The following CACNA2D2 variants were observed in gnomAD, a reference collection of about 807,000 sequenced individuals.
CACNA2D2 encodes the protein calcium voltage-gated channel auxiliary subunit alpha2delta 2.
Under a neutral mutation model 166.4 loss-of-function variants are expected in CACNA2D2, and 48 were observed. The ratio of observed to expected loss-of-function variants is 0.29; its 90% CI spans 0.23 to 0.37. CACNA2D2 has a LOEUF of 0.37. CACNA2D2 is among the 10% of genes least tolerant of loss of function. CACNA2D2 has a pLI of 1.00. For missense variants in CACNA2D2, 1,122 were observed against 1,433.0 expected (o/e 0.78, Z 3.50); for synonymous variants, 561 against 573.7 (o/e 0.98, Z 0.32).
At chr3:50,487,319 G>C (rs1005068620) in intron 1 of CACNA2D2, among the ~76,000 whole-genome samples, 8 of 152,228 alleles carry the variant, frequency 5.3e-5, no homozygotes, top group African/African-American at 1.9e-4. Flanking sequence ...AGCCAAAGCT[G>C]AGTGCAATGG....
intron 1 of CACNA2D2, among the ~76,000 whole-genome samples, chr3:50,502,293 G>A (rs1699004935): frequency 6.6e-6 from 1 of 152,224 alleles, no homozygotes; most frequent in Admixed American, 6.5e-5. Flanking sequence ...ACAGAAGCAA[G>A]GTGGTCACCG....
Position 50,380,641 on chromosome 3 carries a change from C to T in CACNA2D2, c.842+107G>A, listed in dbSNP as rs1705252146. The T allele has an allele frequency of 4.4e-6, 4 of 910,998 alleles. No homozygotes were observed. The highest frequency in any genetic ancestry group is 3.3e-5 in the Admixed American group (1 of 30,576). 56.4% of individuals were successfully genotyped at this position (910,998 alleles called of 1,614,324 possible). On this transcript the variant is annotated intron_variant, in intron 8 of 37. Transcript: ENST00000424201. This position sits in a 1 kb window ranked among gnomAD's most constrained non-coding sequence, Gnocchi z 4.9. ...TGTGTGAAATGAAAATTGGATACAG[C>T]TGGCTGCGCCCTGCTAGGAGGCTTG...
chr3:50,385,874 G>A (rs1705579022), intron 5 of CACNA2D2, among the ~76,000 whole-genome samples: 1 of 152,234 alleles, frequency 6.6e-6, no homozygotes, highest in Non-Finnish European at 1.5e-5. Context: ...AAGGGCACTA[G>A]AAAATTTAAT....
intron 2 of CACNA2D2, among the ~76,000 whole-genome samples, chr3:50,437,447 A>G (rs1190076586): frequency 6.6e-6 from 1 of 152,190 alleles, no homozygotes; most frequent in African/African-American, 2.4e-5. Flanking sequence ...GGGGCTGGTC[A>G]TGCTGCCAGC....
intron 1 of CACNA2D2, among the ~76,000 whole-genome samples, chr3:50,493,744 C>T (rs567861286): frequency 2.0e-5 from 3 of 152,342 alleles, no homozygotes; most frequent in Non-Finnish European, 2.9e-5. Context: ...CCTCAAGGGC[C>T]CCATGACCCG....
intron 3 of CACNA2D2, 96 bp from the exon 4 acceptor site, chr3:50,394,264 A>G: frequency 1.0e-6 from 1 of 979,624 alleles, no homozygotes; most frequent in East Asian, 2.4e-5. Flanking sequence ...CCCTGGGGCC[A>G]GGCTGGACTG....
At chr3:50,462,744 C>T (rs951649810) in intron 2 of CACNA2D2, among the ~76,000 whole-genome samples, 13 of 152,066 alleles carry the variant, frequency 8.5e-5, no homozygotes, top group Non-Finnish European at 1.6e-4. Context: ...AAGTGACAGC[C>T]TCTGGGGAGC....
intron 2 of CACNA2D2, among the ~76,000 whole-genome samples, chr3:50,469,750 C>T (rs2107056561): frequency 2.6e-5 from 4 of 152,356 alleles, no homozygotes; most frequent in Middle Eastern, 6.8e-3. Flanking sequence ...CCTTTCACCA[C>T]TTCCCACCAT....
Position 50,387,603 on chromosome 3 carries a change from T to C in CACNA2D2, c.475A>G (p.Ile159Val), listed in dbSNP as rs772444861. Residue 159 changes from isoleucine to valine, a missense_variant, in exon 5 of 38, where the codon ATC (isoleucine) becomes GTC (valine). Physicochemically the swap from Ile to Val is conservative, Grantham distance 29 (BLOSUM62 3). Coordinates refer to ENST00000424201, the MANE Select transcript of CACNA2D2 (RefSeq NM_006030.4). Reference sequence around the variant, plus strand: ...TCAGCCTTGGCGTCATAGTACACGATGTCTTCCTCCTGGTGAGGGGAGAGA... The same window carrying C: ...TCAGCCTTGGCGTCATAGTACACGACGTCTTCCTCCTGGTGAGGGGAGAGA... ...RWQDNIKEED[I>V]VYYDAKADAE... 2 of 1,613,530 alleles carry C rather than the reference T, an allele frequency of 1.2e-6. No homozygotes were observed. Among genetic ancestry groups the C allele is most frequent in the Non-Finnish European group, 1.7e-6 (2 of 1,179,604 alleles).
Position 50,365,254 on chromosome 3 carries a change from G to T in CACNA2D2, c.3099-70C>A. The T allele has an allele frequency of 3.9e-6, 1 of 257,402 alleles. No homozygotes were observed. The highest frequency in any genetic ancestry group is 1.8e-4 in the East Asian group (1 of 5,560). 15.9% of individuals were successfully genotyped at this position (257,402 alleles called of 1,614,324 possible). A position where few individuals can be genotyped will look rare whatever the true frequency, so the allele number is the denominator to read the frequency against. ...TGACCCACCCCCATCCTGCGGCCCC[G>T]CCCCCGGCCGCTCGGAGGCCCCGCC... On this transcript the variant is annotated intron_variant, in intron 35 of 37. Coordinates refer to ENST00000424201, the MANE Select transcript of CACNA2D2 (RefSeq NM_006030.4). The surrounding 1 kb of genome is among the most constrained non-coding windows in gnomAD (Gnocchi z 4.5).
chr3:50,378,109 G>C lies in CACNA2D2; in HGVS notation c.1390-12C>G. The C allele has an allele frequency of 1.2e-6, 2 of 1,611,984 alleles. No homozygotes were observed. The highest frequency in any genetic ancestry group is 8.5e-7 in the Non-Finnish European group (1 of 1,178,962). On this transcript the variant is annotated splice_polypyrimidine_tract_variant and intron_variant, in intron 14 of 37. Transcript: ENST00000424201. Reference sequence around the variant, plus strand: ...ACATCTAGATATTCCTGGGGAGGGGGCAGTGGTGGGGGTAATGAGTGCCTT... The same window carrying C: ...ACATCTAGATATTCCTGGGGAGGGGCCAGTGGTGGGGGTAATGAGTGCCTT...
chr3:50,479,346 T>G (rs1697944463), intron 1 of CACNA2D2, among the ~76,000 whole-genome samples: 2 of 152,238 alleles, frequency 1.3e-5, no homozygotes, highest in African/African-American at 4.8e-5. Context: ...CTGGACCTGC[T>G]GGGCAGACCC....
At chr3:50,390,026 G>A (rs1423293698) in intron 4 of CACNA2D2, among the ~76,000 whole-genome samples, 1 of 151,986 alleles carries the variant, frequency 6.6e-6, no homozygotes, top group East Asian at 1.9e-4. Context: ...GGGTGGGAGG[G>A]TCCCTGAGAA....
Position 50,364,656 on chromosome 3 carries a change from G to C in CACNA2D2, c.*10C>G, listed in dbSNP as rs1273321737. ...TGAGGTGGGAGTGGAGGTGGGGTGG[G>C]GCAGGGTGCTCAGAGGCGGCGAGAG... On this transcript the variant is annotated 3_prime_UTR_variant, in exon 38 of 38. Coordinates refer to ENST00000424201, the MANE Select transcript of CACNA2D2 (RefSeq NM_006030.4). 2 of 1,511,874 alleles carry C rather than the reference G, an allele frequency of 1.3e-6. No homozygotes were observed. Among genetic ancestry groups the C allele is most frequent in the Non-Finnish European group, 8.9e-7 (1 of 1,128,136 alleles). The allele number at this position is 1,511,874 out of a possible 1,614,324, so 93.7% of individuals were successfully genotyped here. A position where few individuals can be genotyped will look rare whatever the true frequency, so the allele number is the denominator to read the frequency against.
chr3:50,431,999 A>C (rs1221279962), intron 3 of CACNA2D2, among the ~76,000 whole-genome samples: 1 of 151,030 alleles, frequency 6.6e-6, no homozygotes, highest in African/African-American at 2.4e-5. Context: ...AAAAAAAAAA[A>C]ACAAAGAAAG....
chr3:50,468,264 C>T (rs1184895330), intron 2 of CACNA2D2, among the ~76,000 whole-genome samples: 3 of 152,166 alleles, frequency 2.0e-5, no homozygotes, highest in African/African-American at 7.2e-5. Context: ...TGACAGCAGA[C>T]CCTGGCTACT....
chr3:50,422,489 G>A (rs188639268), intron 3 of CACNA2D2, among the ~76,000 whole-genome samples: 127 of 152,314 alleles, frequency 8.3e-4, no homozygotes, highest in African/African-American at 3.0e-3. Context: ...ATCTCAAAGT[G>A]GAGTCAAGTG....
intron 4 of CACNA2D2, among the ~76,000 whole-genome samples, chr3:50,393,581 A>G (rs1705990095): frequency 6.6e-6 from 1 of 152,104 alleles, no homozygotes; most frequent in Admixed American, 6.6e-5. Context: ...TGCTCCAAGG[A>G]GCGAGCCTGA....
chr3:50,502,943 C>G (rs543195234), intron 1 of CACNA2D2, among the ~76,000 whole-genome samples: 25 of 152,240 alleles, frequency 1.6e-4, no homozygotes, highest in South Asian at 2.1e-4. Context: ...ACCGCCCCCC[C>G]CCAACTCCTC....
Sources: allele counts gnomAD v4.1 joint callset (sites outside exome capture counted in the v4.1 genomes callset), GRCh38; gene constraint gnomAD v4.1.1; non-coding constraint Gnocchi (gnomAD v3.1); transcripts MANE v1.5; gene names NCBI Gene and HGNC (gene_info 2026-07-23, HGNC 2026-07-21).